The following SUCLA2 variants were observed in gnomAD, a reference collection of about 807,000 sequenced individuals.
SUCLA2 encodes the protein succinate--CoA ligase [ADP-forming] subunit beta, mitochondrial.
A neutral mutation model predicts 54.8 loss-of-function variants in SUCLA2; 30 were observed. The observed-to-expected ratio is 0.55, with a 90% confidence interval of 0.41 to 0.74. The LOEUF is 0.74. SUCLA2 is among the 30% of genes least tolerant of loss of function. SUCLA2 has a pLI of 0.00. For missense variants in SUCLA2, 476 were observed against 562.9 expected (o/e 0.85, Z 1.56); for synonymous variants, 172 against 188.9 (o/e 0.91, Z 0.74).
At chr13:47,946,594 A>T (rs76248082) in intron 10 of SUCLA2, among the ~76,000 whole-genome samples, 86 of 113,280 alleles carry the variant, frequency 7.6e-4, no homozygotes, top group African/African-American at 2.4e-3. Flanking sequence ...TTTTTTTTTT[A>T]AAAAAAGCAA....
At chr13:47,996,052 G>C (rs1285252294) in intron 2 of SUCLA2, among the ~76,000 whole-genome samples, 2 of 152,054 alleles carry the variant, frequency 1.3e-5, no homozygotes, top group Admixed American at 6.6e-5. Flanking sequence ...GGCTGTATGT[G>C]GTGGCTCACA....
intron 1 of SUCLA2, among the ~76,000 whole-genome samples, chr13:47,998,563 A>T (rs923478628): frequency 6.6e-6 from 1 of 152,216 alleles, no homozygotes; most frequent in African/African-American, 2.4e-5. Flanking sequence ...ACTACAGAGA[A>T]ATAAAAAGAA....
intron 2 of SUCLA2, among the ~76,000 whole-genome samples, chr13:47,989,695 G>A (rs1215358224): frequency 6.6e-6 from 1 of 152,118 alleles, no homozygotes; most frequent in African/African-American, 2.4e-5. Context: ...TAAACTTGCT[G>A]TCCTGAGAAC....
intron 6 of SUCLA2, among the ~76,000 whole-genome samples, chr13:47,955,281 AACCTCC>A (rs1385035528): frequency 6.6e-6 from 1 of 152,086 alleles, no homozygotes; most frequent in Non-Finnish European, 1.5e-5. Flanking sequence ...AGCTCACTTC[AACCTCC>A]ACCTCCCAGG....
At position 47,968,586 on chromosome 13, in the gene SUCLA2, A is replaced by G; in HGVS notation, c.802+9T>C. 6.2e-7 allele frequency: 1 copy of G among 1,611,454 alleles called. No homozygotes were observed. The highest frequency in any genetic ancestry group is 2.2e-5 in the East Asian group (1 of 44,786). On this transcript the variant is annotated intron_variant, in intron 6 of 10. Transcript: ENST00000646932. ...GCATAATCATGTTAGACAAAAGAAG[A>G]TACTTTACCAGCTCCATCTGAATCT...
intron 1 of SUCLA2, 149 bp downstream of exon 1, chr13:48,001,031 C>T: frequency 1.3e-6 from 2 of 1,484,470 alleles, no homozygotes; most frequent in East Asian, 2.5e-5. Context: ...TGGCGAGCAG[C>T]ACTCCCAGGC....
intron 6 of SUCLA2, among the ~76,000 whole-genome samples, chr13:47,960,512 T>A (rs1333222942): frequency 2.6e-5 from 4 of 152,156 alleles, no homozygotes; most frequent in Non-Finnish European, 2.9e-5. Context: ...GTTTAAATGT[T>A]TATATCCAAG....
intron 5 of SUCLA2, among the ~76,000 whole-genome samples, chr13:47,970,492 C>T (rs899333802): frequency 1.3e-5 from 2 of 152,172 alleles, no homozygotes; most frequent in African/African-American, 4.8e-5. Flanking sequence ...ACATTTATAT[C>T]ATTCATTTGC....
chr13:47,981,498 G>T (rs1307843756), intron 4 of SUCLA2, among the ~76,000 whole-genome samples: 1 of 152,166 alleles, frequency 6.6e-6, no homozygotes, highest in African/African-American at 2.4e-5. Context: ...TGGAAGCTTT[G>T]TCTGCTGTTA....
chr13:47,944,755 T>C (rs1253507647), intron 10 of SUCLA2, among the ~76,000 whole-genome samples: 1 of 152,226 alleles, frequency 6.6e-6, no homozygotes, highest in African/African-American at 2.4e-5. Flanking sequence ...TTTTGTTTAC[T>C]AGTAAGTACT....
In SUCLA2 at chr13:47,961,563, G is replaced by T. The variant is rs188074559; in HGVS notation, c.803-7006C>A. On this transcript the variant is annotated intron_variant, in intron 6 of 10. Transcript: ENST00000646932. ...ATTAGGTTCCCTGACATCCAAGAGA[G>T]ATATATCAGGCTTATTAGGCTTGTT... 1.6e-3 allele frequency among the ~76,000 whole-genome samples: 236 copies of T among 152,214 alleles called. 1 individual carries two copies. Among genetic ancestry groups the T allele is most frequent in the African/African-American group, 5.0e-3 (208 of 41,546 alleles).
At position 47,972,908 on chromosome 13, in the gene SUCLA2, C is replaced by T. The variant is rs889929527; in HGVS notation, c.663+356G>A. Among the ~76,000 whole-genome samples, 4 of 148,896 alleles carry T rather than the reference C, an allele frequency of 2.7e-5. No individual in the cohort carries two copies. The East Asian group carries it at 6.4e-4, about 24-fold the overall frequency. ...GACTACAGGCACGCACCACCATGCCCGGCTAATTTTTTTTGTATTTTTAGT... is the reference window on the plus strand; with the variant it reads ...GACTACAGGCACGCACCACCATGCCTGGCTAATTTTTTTTGTATTTTTAGT... On this transcript the variant is annotated intron_variant, in intron 5 of 10. Coordinates refer to ENST00000646932, the MANE Select transcript of SUCLA2 (RefSeq NM_003850.3).
At chr13:47,976,417 T>C (rs572888637) in intron 4 of SUCLA2, among the ~76,000 whole-genome samples, 31 of 152,214 alleles carry the variant, frequency 2.0e-4, no homozygotes, top group Non-Finnish European at 2.6e-4. Flanking sequence ...AGCTTCTCCA[T>C]TGGGAGAGAA....
At chr13:47,956,502 T>C (rs2406693) in intron 6 of SUCLA2, among the ~76,000 whole-genome samples, 95,083 of 152,082 alleles carry the variant, frequency 0.63, 30,690 homozygotes, top group East Asian at 0.77. Context: ...CAAGATTCTA[T>C]ATCCAGTGAA....
chr13:47,982,833 G>A (rs1950070129), intron 4 of SUCLA2, among the ~76,000 whole-genome samples: 1 of 152,108 alleles, frequency 6.6e-6, no homozygotes. Flanking sequence ...TGGAAACTTA[G>A]TGTTTGGGAA....
chr13:47,974,256 G>C (rs1252273297), intron 4 of SUCLA2, among the ~76,000 whole-genome samples: 1 of 151,960 alleles, frequency 6.6e-6, no homozygotes, highest in East Asian at 1.9e-4. Flanking sequence ...CTAAGAAAAG[G>C]GAAAGTCTAA....
chr13:47,969,917 C>T (rs1015332022), intron 5 of SUCLA2, among the ~76,000 whole-genome samples: 1 of 152,022 alleles, frequency 6.6e-6, no homozygotes, highest in Non-Finnish European at 1.5e-5. Context: ...GCCTGGGCAA[C>T]ATGGTGAAAC....
intron 4 of SUCLA2, among the ~76,000 whole-genome samples, chr13:47,982,913 T>C (rs115906798): frequency 0.011 from 1,709 of 152,228 alleles, 40 homozygotes; most frequent in African/African-American, 0.038. Flanking sequence ...TAATACTAAG[T>C]TTAACATTTT....
chr13:47,989,113 G>A, intron 2 of SUCLA2, 132 bp from the exon 3 acceptor site: 1 of 831,616 alleles, frequency 1.2e-6, no homozygotes, highest in Non-Finnish European at 2.0e-6. Context: ...CCAAAAATAA[G>A]GCATTCTCTT....
Sources: allele counts gnomAD v4.1 joint callset (sites outside exome capture counted in the v4.1 genomes callset), GRCh38; gene constraint gnomAD v4.1.1; transcripts MANE v1.5; gene names NCBI Gene and HGNC (gene_info 2026-07-23, HGNC 2026-07-21).